SUFU: variants seen among roughly 807,000 people sequenced by gnomAD.
SUFU encodes the protein SUFU negative regulator of hedgehog signaling.
In SUFU, 7 loss-of-function variants were observed where a neutral mutation model predicts 58.9. The observed-to-expected ratio is 0.12, with a 90% CI of 0.07 to 0.22. The LOEUF is 0.22. Among genes scored for constraint, SUFU ranks in the 10% least tolerant of loss-of-function variants. SUFU has a pLI of 1.00. For synonymous variants in SUFU, 232 were observed against 254.8 expected (o/e 0.91, Z 0.85); for missense variants, 451 against 641.3 (o/e 0.70, Z 3.20).
chr10:102,543,710 A>G (rs2062826159), intron 2 of SUFU, among the ~76,000 whole-genome samples: 1 of 152,204 alleles, frequency 6.6e-6, no homozygotes, highest in Admixed American at 6.5e-5. Context: ...TTTTTCCTGT[A>G]ATATAAATAA....
chr10:102,559,155 A>G (rs971208405), intron 3 of SUFU, among the ~76,000 whole-genome samples: 4 of 152,210 alleles, frequency 2.6e-5, no homozygotes, highest in Non-Finnish European at 4.4e-5. Flanking sequence ...TAAGAGAGAC[A>G]TTTCTGTCCT....
At chr10:102,626,081 G>C (rs1428742377) in intron 10 of SUFU, among the ~76,000 whole-genome samples, 50 of 152,196 alleles carry the variant, frequency 3.3e-4, no homozygotes, top group African/African-American at 9.9e-4. Context: ...AAGACAGGTA[G>C]AGCTGTGGCC....
chr10:102,557,209 G>C (rs2062990750), intron 3 of SUFU, among the ~76,000 whole-genome samples: 1 of 150,190 alleles, frequency 6.7e-6, no homozygotes, highest in Non-Finnish European at 1.5e-5. Context: ...CAGCCTGGGT[G>C]ATAGAGCAAG....
At chr10:102,512,513 C>A (rs1434226511) in intron 2 of SUFU, among the ~76,000 whole-genome samples, 1 of 152,198 alleles carries the variant, frequency 6.6e-6, no homozygotes, top group Non-Finnish European at 1.5e-5. Flanking sequence ...TCAGAAGGGG[C>A]AACCTCTTAA....
At chr10:102,506,257 G>T (rs1175780220) in intron 1 of SUFU, among the ~76,000 whole-genome samples, 1 of 152,076 alleles carries the variant, frequency 6.6e-6, no homozygotes, top group Non-Finnish European at 1.5e-5. Flanking sequence ...CTGCAAGCTT[G>T]TTAACAGCCA....
At chr10:102,569,587 C>T (rs2063140750) in intron 3 of SUFU, among the ~76,000 whole-genome samples, 1 of 152,188 alleles carries the variant, frequency 6.6e-6, no homozygotes, top group African/African-American at 2.4e-5. Context: ...TGATTTATTG[C>T]TATCTCTTCC....
At position 102,504,129 on chromosome 10, in the gene SUFU, C is replaced by G; in HGVS notation, c.-24C>G. Reference sequence around the variant, plus strand: ...CCGTCGTTTGCCCTCTCCAGTTCCCCCAGTGCCTGCCCTACGCACCCCGAT... The same window carrying G: ...CCGTCGTTTGCCCTCTCCAGTTCCCGCAGTGCCTGCCCTACGCACCCCGAT... On this transcript the variant is annotated 5_prime_UTR_variant, in exon 1 of 12. Coordinates refer to ENST00000369902, the MANE Select transcript of SUFU (RefSeq NM_016169.4). 6.5e-7 allele frequency: 1 copy of G among 1,534,728 alleles called. No homozygotes were observed. Among genetic ancestry groups the G allele is most frequent in the South Asian group, 1.2e-5 (1 of 83,320 alleles).
chr10:102,520,793 A>T (rs2135666518), intron 2 of SUFU, among the ~76,000 whole-genome samples: 1 of 152,316 alleles, frequency 6.6e-6, no homozygotes, highest in South Asian at 2.1e-4. Context: ...CCTTTTGGTG[A>T]CTTGATAGCT....
Position 102,630,337 on chromosome 10 carries a change from C to T in SUFU, c.*182C>T. 1.6e-6 allele frequency: 1 copy of T among 644,342 alleles called. No homozygotes were observed. The highest frequency in any genetic ancestry group is 2.8e-6 in the Non-Finnish European group (1 of 362,476). The allele number at this position is 644,342 out of a possible 1,614,324, so 39.9% of individuals were successfully genotyped here. On this transcript the variant is annotated 3_prime_UTR_variant, in exon 12 of 12. Coordinates refer to ENST00000369902, the MANE Select transcript of SUFU (RefSeq NM_016169.4). ...GGCCACAGGCCCTCCACCTCACCTC[C>T]AGCTCAGGGGCCGCACCCCGCCGCT...
At chr10:102,513,352 C>A (rs1225508338) in intron 2 of SUFU, among the ~76,000 whole-genome samples, 2 of 152,204 alleles carry the variant, frequency 1.3e-5, no homozygotes, top group Non-Finnish European at 2.9e-5. Flanking sequence ...GGCAACAATT[C>A]TTCCACTGTC....
intron 10 of SUFU, among the ~76,000 whole-genome samples, chr10:102,622,891 T>C (rs2063752314): frequency 6.8e-6 from 1 of 148,134 alleles, no homozygotes; most frequent in Non-Finnish European, 1.5e-5. Context: ...CTTGAGAGAC[T>C]GAGGCAGGAG....
intron 2 of SUFU, among the ~76,000 whole-genome samples, chr10:102,512,944 C>T (rs1037985780): frequency 2.0e-5 from 3 of 151,864 alleles, no homozygotes; most frequent in African/African-American, 7.3e-5. Context: ...TGGTGTGCAT[C>T]GTAGCCCTAG....
intron 3 of SUFU, among the ~76,000 whole-genome samples, chr10:102,589,920 TC>T (rs1461461809): frequency 5.9e-5 from 9 of 152,028 alleles, no homozygotes; most frequent in African/African-American, 2.2e-4. Context: ...TTTGTTAATG[TC>T]CTTTATCAAG....
At chr10:102,585,355 A>T (rs1026531231) in intron 3 of SUFU, among the ~76,000 whole-genome samples, 1 of 152,128 alleles carries the variant, frequency 6.6e-6, no homozygotes, top group Non-Finnish European at 1.5e-5. Flanking sequence ...GGCTTTTTTC[A>T]CTTAGCATAA....
In SUFU at chr10:102,617,207, G is replaced by A; in HGVS notation, c.1158-83G>A. The A allele has an allele frequency of 6.3e-7, 1 of 1,599,514 alleles. No individual in the cohort carries two copies. Among genetic ancestry groups the A allele is most frequent in the Non-Finnish European group, 8.6e-7 (1 of 1,168,728 alleles). On this transcript the variant is annotated intron_variant, in intron 9 of 11. Transcript: ENST00000369902. The surrounding 1 kb of genome is among the most constrained non-coding windows in gnomAD (Gnocchi z 4.4). ...TGGCCCGCGGACCATAGTCCCCACT[G>A]TCCCAGAGCCTTGGCCAGGCCTGCT...
intron 2 of SUFU, among the ~76,000 whole-genome samples, chr10:102,532,411 C>G (rs1193421811): frequency 2.0e-5 from 3 of 152,228 alleles, no homozygotes; most frequent in Non-Finnish European, 4.4e-5. Flanking sequence ...CATTTGTTCT[C>G]TCACATCTCC....
At chr10:102,610,392 C>CAGAAAAA (rs2063610118) in intron 8 of SUFU, among the ~76,000 whole-genome samples, 1 of 124,066 alleles carries the variant, frequency 8.1e-6, no homozygotes, top group Admixed American at 8.7e-5. Flanking sequence ...GACTCTGTCT[C>CAGAAAAA]AAAAAAAAAA....
intron 3 of SUFU, among the ~76,000 whole-genome samples, chr10:102,583,856 C>T (rs554304335): frequency 6.6e-6 from 1 of 152,102 alleles, no homozygotes; most frequent in Admixed American, 6.6e-5. Flanking sequence ...TCCCTCCCCC[C>T]TCTCCCCACC....
At chr10:102,503,940 T>C (rs2062282580), upstream of SUFU, 1 of 598,482 alleles carries the variant, frequency 1.7e-6, no homozygotes, top group East Asian at 3.5e-5. Context: ...CCGCCCCCCT[T>C]AGCGCCCCGC....
Sources: allele counts gnomAD v4.1 joint callset (sites outside exome capture counted in the v4.1 genomes callset), GRCh38; gene constraint gnomAD v4.1.1; non-coding constraint Gnocchi (gnomAD v3.1); transcripts MANE v1.5; gene names NCBI Gene and HGNC (gene_info 2026-07-23, HGNC 2026-07-21).